PTN: variants seen among roughly 807,000 people sequenced by gnomAD.
PTN encodes the protein heparin affin regulatory protein.
A neutral mutation model predicts 24.1 loss-of-function variants in PTN; 18 were observed. The observed-to-expected ratio is 0.75, with a 90% confidence interval of 0.52 to 1.11. The LOEUF (loss-of-function observed/expected upper bound fraction) is 1.11. Among genes scored for constraint, PTN ranks in the 50% least tolerant of loss-of-function variants. The pLI is 0.00. For missense variants in PTN, 163 were observed against 198.8 expected (o/e 0.82, Z 1.08); for synonymous variants, 78 against 68.6 (o/e 1.14, Z -0.67).
intron 4 of PTN, among the ~76,000 whole-genome samples, chr7:137,241,592 G>A (rs113897293): frequency 0.028 from 4,272 of 152,090 alleles, 210 homozygotes; most frequent in African/African-American, 0.099. Flanking sequence ...TCTTTATAAC[G>A]ATCCTATGGT....
Position 137,339,733 on chromosome 7 carries a change from G to C in PTN, c.-2+3706C>G, listed in dbSNP as rs547961712. ...AGAAATGTATGCCATCATAGCAAGA[G>C]GGAATTGGGCAAGACGTTCTGGGAC... On this transcript the variant is annotated intron_variant, in intron 1 of 4. Coordinates refer to ENST00000348225, the MANE Select transcript of PTN (RefSeq NM_002825.7). 2.6e-5 allele frequency among the ~76,000 whole-genome samples: 4 copies of C among 152,216 alleles called. No homozygotes were observed. In the South Asian group the frequency reaches 8.3e-4, roughly 32 times the overall value.
intron 1 of PTN, among the ~76,000 whole-genome samples, chr7:137,260,139 G>C (rs1276326179): frequency 1.3e-5 from 2 of 152,122 alleles, no homozygotes; most frequent in Admixed American, 6.6e-5. Context: ...ATTTACCAAA[G>C]AAGTGCTGGA....
At chr7:137,255,703 G>A (rs1175637976) in intron 1 of PTN, among the ~76,000 whole-genome samples, 1 of 152,166 alleles carries the variant, frequency 6.6e-6, no homozygotes, top group Non-Finnish European at 1.5e-5. Flanking sequence ...CACATTTGAT[G>A]TGAATCAAAA....
intron 1 of PTN, among the ~76,000 whole-genome samples, chr7:137,313,461 G>A (rs1188915435): frequency 1.3e-5 from 2 of 152,092 alleles, no homozygotes; most frequent in African/African-American, 4.8e-5. Context: ...GTTTTTAGGA[G>A]CTATTCCCAG....
chr7:137,295,132 T>C (rs1332605268), intron 1 of PTN, among the ~76,000 whole-genome samples: 8 of 152,098 alleles, frequency 5.3e-5, no homozygotes, highest in Admixed American at 5.2e-4. Flanking sequence ...GAAATACACA[T>C]CAGATTTTAG....
At chr7:137,267,166 G>A (rs1031341456) in intron 1 of PTN, among the ~76,000 whole-genome samples, 17 of 151,574 alleles carry the variant, frequency 1.1e-4, no homozygotes, top group African/African-American at 4.1e-4. Context: ...TTCTCTCTTT[G>A]ACTTTCTGTC....
chr7:137,323,617 G>A (rs974547376), intron 1 of PTN, among the ~76,000 whole-genome samples: 2 of 152,142 alleles, frequency 1.3e-5, no homozygotes, highest in African/African-American at 4.8e-5. Context: ...CTGTGAGACA[G>A]ACAGCAGTAG....
chr7:137,245,702 A>G (rs1808710737), intron 4 of PTN, among the ~76,000 whole-genome samples: 1 of 152,136 alleles, frequency 6.6e-6, no homozygotes, highest in Non-Finnish European at 1.5e-5. Context: ...ATGATGTGTT[A>G]CTGTCCCTGA....
intron 1 of PTN, among the ~76,000 whole-genome samples, chr7:137,287,380 T>C (rs1809573539): frequency 6.6e-6 from 1 of 152,182 alleles, no homozygotes; most frequent in Admixed American, 6.5e-5. Flanking sequence ...TTGTCGGCTA[T>C]TGTTGGTATG....
At chr7:137,267,256 G>A (rs1209376050) in intron 1 of PTN, among the ~76,000 whole-genome samples, 1 of 150,002 alleles carries the variant, frequency 6.7e-6, no homozygotes, top group African/African-American at 2.5e-5. Flanking sequence ...CTCTTTTCTT[G>A]ACTCCTTCTT....
intron 1 of PTN, among the ~76,000 whole-genome samples, chr7:137,286,794 T>C (rs1325467752): frequency 6.6e-6 from 1 of 152,168 alleles, no homozygotes; most frequent in African/African-American, 2.4e-5. Flanking sequence ...GTACTAAACT[T>C]TCTTCTTCAA....
chr7:137,311,896 GT>G (rs1439074231), intron 1 of PTN, among the ~76,000 whole-genome samples: 1 of 146,382 alleles, frequency 6.8e-6, no homozygotes, highest in Non-Finnish European at 1.5e-5. Context: ...ACCACATGCT[GT>G]TGGAAAATGG....
At chr7:137,336,296 A>G (rs890781603) in intron 1 of PTN, among the ~76,000 whole-genome samples, 4 of 152,270 alleles carry the variant, frequency 2.6e-5, no homozygotes, top group African/African-American at 9.6e-5. Context: ...AGCAGCCCAT[A>G]CCAAACAACA....
intron 1 of PTN, among the ~76,000 whole-genome samples, chr7:137,327,764 A>C (rs924386145): frequency 2.0e-5 from 3 of 152,156 alleles, no homozygotes; most frequent in African/African-American, 4.8e-5. Context: ...TTGATTTTCC[A>C]GCTCTAAGTC....
chr7:137,242,452 T>C (rs1395504551), intron 4 of PTN, among the ~76,000 whole-genome samples: 2 of 152,138 alleles, frequency 1.3e-5, no homozygotes, highest in Non-Finnish European at 2.9e-5. Flanking sequence ...ACCTGTAGCA[T>C]AGACATCTCT....
intron 1 of PTN, among the ~76,000 whole-genome samples, chr7:137,336,713 G>A (rs1023551430): frequency 1.3e-5 from 2 of 152,170 alleles, no homozygotes; most frequent in Admixed American, 6.5e-5. Flanking sequence ...GATGCCAAGT[G>A]GGCATGAGAA....
At chr7:137,315,263 T>C (rs1232337189) in intron 1 of PTN, among the ~76,000 whole-genome samples, 8 of 152,182 alleles carry the variant, frequency 5.3e-5, no homozygotes, top group South Asian at 4.1e-4. Flanking sequence ...CCCAGATGGC[T>C]GCTGTCCTTG....
intron 1 of PTN, among the ~76,000 whole-genome samples, chr7:137,315,355 A>T (rs201343867): frequency 6.6e-6 from 1 of 152,118 alleles, no homozygotes; most frequent in African/African-American, 2.4e-5. Flanking sequence ...TTACACGAAA[A>T]AAAAAAAAAG....
chr7:137,233,925 T>TATGTATACATATATATGTATATGTAC (rs1808473342), intron 4 of PTN, among the ~76,000 whole-genome samples: 2 of 149,660 alleles, frequency 1.3e-5, no homozygotes, highest in African/African-American at 5.0e-5. Context: ...TATATGTATA[T>TATGTATACATATATATGTATATGTAC]ATGTATACAT....
Sources: allele counts gnomAD v4.1 joint callset (sites outside exome capture counted in the v4.1 genomes callset), GRCh38; gene constraint gnomAD v4.1.1; transcripts MANE v1.5; gene names NCBI Gene and HGNC (gene_info 2026-07-23, HGNC 2026-07-21).